The following PDZD2 variants were observed in gnomAD, a reference collection of about 807,000 sequenced individuals.
The protein encoded by PDZD2 is PDZ domain-containing protein 2.
A neutral mutation model predicts 220.7 loss-of-function variants in PDZD2; 90 were observed. The observed-to-expected ratio is 0.41, with a 90% CI of 0.34 to 0.49. The LOEUF (loss-of-function observed/expected upper bound fraction) is 0.49. PDZD2 is among the 20% of genes least tolerant of loss of function. The probability of loss-of-function intolerance (pLI) is 0.28; values close to 1 mark genes in which losing one functional copy is unlikely to be tolerated. For synonymous variants in PDZD2, 1,375 were observed against 1,450.5 expected, an observed-to-expected ratio of 0.95 and a Z score of 1.18; for missense variants, 3,174 against 3,608.5, an observed-to-expected ratio of 0.88 and a Z score of 3.08.
At chr5:31,897,475 A>C (rs924628106) in intron 2 of PDZD2, among the ~76,000 whole-genome samples, 5 of 152,156 alleles carry the variant, frequency 3.3e-5, no homozygotes, top group African/African-American at 7.2e-5. Flanking sequence ...TATAAGTCGC[A>C]AGTGATGTGT....
rs554215826 is a variant in PDZD2 at position 32,014,981 on chromosome 5, G to A, written c.1407+4499G>A. Among the ~76,000 whole-genome samples the A allele has an allele frequency of 4.4e-3, 485 of 111,364 alleles. 4 individuals carry two copies. Among genetic ancestry groups the A allele is most frequent in the Non-Finnish European group, 6.7e-3 (388 of 57,944 alleles). 73.1% of individuals were successfully genotyped at this position (111,364 alleles called of 152,430 possible). A position where few individuals can be genotyped will look rare whatever the true frequency, so the allele number is the denominator to read the frequency against. On this transcript the variant is annotated intron_variant, in intron 6 of 24. Coordinates refer to ENST00000438447, the MANE Select transcript of PDZD2 (RefSeq NM_178140.4). Reference sequence around the variant, plus strand: ...TTTTGAGACGGAGTCTCACTCTGTCGCCCAGGCTGGAGTGTAGTGGCGCAA... The same window carrying A: ...TTTTGAGACGGAGTCTCACTCTGTCACCCAGGCTGGAGTGTAGTGGCGCAA...
intron 1 of PDZD2, among the ~76,000 whole-genome samples, chr5:31,790,978 A>G (rs539850244): frequency 2.2e-4 from 34 of 151,890 alleles, no homozygotes; most frequent in Non-Finnish European, 3.5e-4. Flanking sequence ...GATTACAGGC[A>G]TGAGCCACCG....
At chr5:32,078,638 T>TAAA (rs66500422) in intron 19 of PDZD2, among the ~76,000 whole-genome samples, 7,103 of 104,798 alleles carry the variant, frequency 0.068, 360 homozygotes, top group African/African-American at 0.13. Flanking sequence ...TCTCAAAAAT[T>TAAA]AAAAAAAAAA....
chr5:31,927,267 T>C (rs1034324468), intron 2 of PDZD2, among the ~76,000 whole-genome samples: 1 of 152,210 alleles, frequency 6.6e-6, no homozygotes, highest in African/African-American at 2.4e-5. Context: ...AGTACCATGT[T>C]GCATCATGGG....
intron 1 of PDZD2, among the ~76,000 whole-genome samples, chr5:31,675,361 G>A (rs1355290087): frequency 6.6e-6 from 1 of 152,164 alleles, no homozygotes; most frequent in Non-Finnish European, 1.5e-5. Context: ...GGCTGTGCTG[G>A]CCATGCCCAC....
At chr5:31,726,020 G>T in intron 1 of PDZD2, 1 of 397,682 alleles carries the variant, frequency 2.5e-6, no homozygotes, top group East Asian at 5.0e-5. Flanking sequence ...TAATGGAGTA[G>T]AAAGCGTGCT....
chr5:31,849,613 G>A (rs1364341212), intron 2 of PDZD2, among the ~76,000 whole-genome samples: 2 of 151,956 alleles, frequency 1.3e-5, no homozygotes, highest in Non-Finnish European at 2.9e-5. Context: ...GGAGGCGGAG[G>A]TGGGTGGATT....
chr5:31,886,071 G>T (rs1740441752), intron 2 of PDZD2, among the ~76,000 whole-genome samples: 1 of 152,104 alleles, frequency 6.6e-6, no homozygotes, highest in South Asian at 2.1e-4. Context: ...GGCTAATTTT[G>T]TATTTTTAGT....
At chr5:31,740,856 G>A (rs1048635555) in intron 1 of PDZD2, among the ~76,000 whole-genome samples, 1 of 152,068 alleles carries the variant, frequency 6.6e-6, no homozygotes, top group African/African-American at 2.4e-5. Flanking sequence ...CATTTCTTTG[G>A]GGCATTGTCC....
intron 2 of PDZD2, among the ~76,000 whole-genome samples, chr5:31,961,736 C>T (rs1036101640): frequency 6.6e-6 from 1 of 152,118 alleles, no homozygotes; most frequent in African/African-American, 2.4e-5. Context: ...TCTCTGCCTC[C>T]GGTTTCAAGG....
intron 2 of PDZD2, among the ~76,000 whole-genome samples, chr5:31,943,217 T>C (rs1488175279): frequency 2.1e-5 from 3 of 140,802 alleles, no homozygotes; most frequent in Non-Finnish European, 4.7e-5. Flanking sequence ...AAAAAAAAAA[T>C]CAGAGACAAA....
At chr5:31,880,793 T>TTTTC (rs1211579992) in intron 2 of PDZD2, among the ~76,000 whole-genome samples, 1 of 92,688 alleles carries the variant, frequency 1.1e-5, no homozygotes, top group African/African-American at 6.6e-5. Context: ...TTTTTTTTCT[T>TTTTC]TTTTTTTTTT....
chr5:31,861,946 C>G (rs1353860721), intron 2 of PDZD2, among the ~76,000 whole-genome samples: 1 of 152,056 alleles, frequency 6.6e-6, no homozygotes, highest in Non-Finnish European at 1.5e-5. Context: ...AAAGCCTGTT[C>G]TATACTATAT....
intron 3 of PDZD2, among the ~76,000 whole-genome samples, chr5:31,989,543 C>T (rs1751044928): frequency 6.6e-6 from 1 of 151,832 alleles, no homozygotes; most frequent in African/African-American, 2.4e-5. Context: ...CTGCCTCAGC[C>T]TCCCAAATAG....
At chr5:31,872,211 C>G (rs1238258246) in intron 2 of PDZD2, among the ~76,000 whole-genome samples, 1 of 150,802 alleles carries the variant, frequency 6.6e-6, no homozygotes, top group East Asian at 2.0e-4. Flanking sequence ...GTGGGCAAAG[C>G]AGAGAGCCCA....
At chr5:31,910,690 C>CT (rs757586173) in intron 2 of PDZD2, among the ~76,000 whole-genome samples, 4,547 of 143,882 alleles carry the variant, frequency 0.032, 91 homozygotes, top group Non-Finnish European at 0.047. Flanking sequence ...CACACCCAGC[C>CT]TTTTTTTTTT....
intron 2 of PDZD2, among the ~76,000 whole-genome samples, chr5:31,929,913 C>T (rs1335168020): frequency 6.6e-6 from 1 of 152,084 alleles, no homozygotes; most frequent in East Asian, 1.9e-4. Context: ...GGGGGAGGAT[C>T]CCCCGTGAAT....
intron 1 of PDZD2, among the ~76,000 whole-genome samples, chr5:31,688,179 G>A (rs980846675): frequency 2.0e-5 from 3 of 152,148 alleles, no homozygotes; most frequent in Non-Finnish European, 4.4e-5. Flanking sequence ...GATAAATAAA[G>A]ATGATAAATG....
chr5:31,763,451 C>T (rs1751776493), intron 1 of PDZD2, among the ~76,000 whole-genome samples: 1 of 152,140 alleles, frequency 6.6e-6, no homozygotes, highest in Non-Finnish European at 1.5e-5. Flanking sequence ...AACAAAATAA[C>T]CACCTACCGC....
Sources: allele counts gnomAD v4.1 joint callset (sites outside exome capture counted in the v4.1 genomes callset), GRCh38; gene constraint gnomAD v4.1.1; transcripts MANE v1.5; gene names NCBI Gene and HGNC (gene_info 2026-07-23, HGNC 2026-07-21).